LSM1: variants seen among roughly 807,000 people sequenced by gnomAD.
The protein encoded by LSM1 is U6 snRNA-associated Sm-like protein LSm1.
A neutral mutation model predicts 18.0 loss-of-function variants in LSM1; 13 were observed. The ratio of observed to expected loss-of-function variants is 0.72; its 90% confidence interval spans 0.47 to 1.15. The LOEUF (loss-of-function observed/expected upper bound fraction) is 1.15. LSM1 is among the 50% of genes most tolerant of loss of function. LSM1 has a pLI of 0.00. For synonymous variants in LSM1, 46 were observed against 56.0 expected (o/e 0.82, Z 0.80); for missense variants, 152 against 157.7 (o/e 0.96, Z 0.19).
chr8:38,175,613 A>T (rs1803120046), intron 1 of LSM1, among the ~76,000 whole-genome samples: 1 of 152,110 alleles, frequency 6.6e-6, no homozygotes, highest in Admixed American at 6.6e-5. Context: ...CCTCTTCCGG[A>T]CAAAAACCAG....
At chr8:38,165,187 T>C (rs1234340744) in intron 3 of LSM1, among the ~76,000 whole-genome samples, 1 of 151,880 alleles carries the variant, frequency 6.6e-6, no homozygotes, top group South Asian at 2.1e-4. Flanking sequence ...CCGTCTCTAC[T>C]AAAAATACAA....
chr8:38,164,619 C>G (rs895904251), intron 3 of LSM1, among the ~76,000 whole-genome samples: 11 of 150,462 alleles, frequency 7.3e-5, no homozygotes, highest in Non-Finnish European at 1.2e-4. Context: ...CCTAGGAGTT[C>G]GAGACCAGCC....
chr8:38,172,006 C>T lies in LSM1; in HGVS notation c.74G>A (p.Gly25Glu), dbSNP rs1563275514. 3.1e-6 allele frequency: 5 copies of T among 1,611,850 alleles called. No homozygotes were observed. The highest frequency in any genetic ancestry group is 1.7e-5 in the Admixed American group (1 of 59,200). ...DKKHLVLLRD[G>E]RTLIGFLRSI... Reference sequence around the variant, plus strand: ...TCTTAAAAAGCCTATAAGTGTCCTTCCATCTCGAAGCAGAACCAAGTGCTT... The same window carrying T: ...TCTTAAAAAGCCTATAAGTGTCCTTTCATCTCGAAGCAGAACCAAGTGCTT... The change falls in exon 2 of 4, where the codon GGA (glycine) becomes GAA (glutamate). Residue 25 changes from glycine (G) to glutamate (E), a missense_variant. Transcript: ENST00000311351.
chr8:38,167,527 A>G (rs1476817189), intron 3 of LSM1, among the ~76,000 whole-genome samples: 5 of 151,938 alleles, frequency 3.3e-5, no homozygotes, highest in African/African-American at 1.2e-4. Flanking sequence ...ATTTTTTTGT[A>G]AAGACAGGGT....
intron 3 of LSM1, 44 bp downstream of exon 3, chr8:38,169,758 G>T: frequency 8.9e-7 from 1 of 1,122,720 alleles, no homozygotes. Flanking sequence ...AGTCTAACTA[G>T]CATGAATATG....
intron 1 of LSM1, 26 bp from the exon 2 acceptor site, chr8:38,172,059 A>C (rs772398907): frequency 6.5e-7 from 1 of 1,533,010 alleles, no homozygotes; most frequent in Non-Finnish European, 9.0e-7. Context: ...AAAATCTTTT[A>C]AATGAAAACT....
intron 1 of LSM1, 184 bp downstream of exon 1, chr8:38,176,091 G>A: frequency 3.9e-6 from 2 of 508,886 alleles, no homozygotes; most frequent in South Asian, 5.6e-5. Context: ...AGTAGCAGCA[G>A]GCTACTGGGT....
chr8:38,171,482 C>T (rs1016974506), intron 2 of LSM1, among the ~76,000 whole-genome samples: 4 of 152,196 alleles, frequency 2.6e-5, no homozygotes, highest in Non-Finnish European at 5.9e-5. Context: ...GCCTGGCCAA[C>T]ATGGCGAAAC....
At chr8:38,166,552 T>A (rs192806409) in intron 3 of LSM1, among the ~76,000 whole-genome samples, 1 of 152,358 alleles carries the variant, frequency 6.6e-6, no homozygotes, top group East Asian at 1.9e-4. Context: ...ATACAAAGTA[T>A]TCCTGTTTCT....
chr8:38,166,524 T>C (rs1802933745), intron 3 of LSM1, among the ~76,000 whole-genome samples: 1 of 152,254 alleles, frequency 6.6e-6, no homozygotes, highest in African/African-American at 2.4e-5. Context: ...TTTGGTGTTT[T>C]TGTAAGATGG....
In LSM1 at chr8:38,163,522, T is replaced by C. The variant is rs1452160604; in HGVS notation, c.*148A>G. 4 of 658,594 alleles carry C rather than the reference T, an allele frequency of 6.1e-6. No homozygotes were observed. The highest frequency in any genetic ancestry group is 5.5e-5 in the East Asian group (2 of 36,224). 40.8% of individuals were successfully genotyped at this position (658,594 alleles called of 1,614,324 possible). A position where few individuals can be genotyped will look rare whatever the true frequency, so the allele number is the denominator to read the frequency against. ...AAAAAAAACCCACCTACACGATTTC[T>C]TCATGTTGCATATGTAAAATAATTA... On this transcript the variant is annotated 3_prime_UTR_variant, in exon 4 of 4. Transcript: ENST00000311351.
At chr8:38,173,752 G>A (rs1297461347) in intron 1 of LSM1, among the ~76,000 whole-genome samples, 1 of 152,196 alleles carries the variant, frequency 6.6e-6, no homozygotes, top group African/African-American at 2.4e-5. Flanking sequence ...AGAAACACAC[G>A]CAGATAGTTG....
chr8:38,175,025 CAAAAAAAAA>C (rs1203614273), intron 1 of LSM1, among the ~76,000 whole-genome samples: 6 of 57,098 alleles, frequency 1.1e-4, no homozygotes, highest in Non-Finnish European at 1.6e-4. Context: ...GACTCTGTCT[CAAAAAAAAA>C]AAAAAAAAAA....
chr8:38,173,407 G>C (rs1042313096), intron 1 of LSM1, among the ~76,000 whole-genome samples: 1 of 151,852 alleles, frequency 6.6e-6, no homozygotes, highest in African/African-American at 2.4e-5. Flanking sequence ...GTAAATTAAA[G>C]AGGAGGAAAA....
intron 2 of LSM1, among the ~76,000 whole-genome samples, chr8:38,170,782 C>T (rs1301575721): frequency 6.6e-6 from 1 of 152,182 alleles, no homozygotes; most frequent in Non-Finnish European, 1.5e-5. Flanking sequence ...AGCCACTACC[C>T]TTCCCTCAAA....
chr8:38,163,753 G>A lies in LSM1; in HGVS notation c.319C>T (p.Leu107=), dbSNP rs1802880052. The part of the protein sequence containing the change: ...EEQRVEQQTK[L]EAEKLKVQAL... Reference sequence around the variant, plus strand: ...TGCACTTTCAACTTCTCTGCTTCCAGCTTGGTCTGCTGTTCCACCCTTTGT... The same window carrying A: ...TGCACTTTCAACTTCTCTGCTTCCAACTTGGTCTGCTGTTCCACCCTTTGT... Residue 107 remains leucine (L), a synonymous_variant, in exon 4 of 4, where the codon CTG becomes TTG. Transcript: ENST00000311351. The A allele has an allele frequency of 1.2e-6, 2 of 1,614,044 alleles. No individual in the cohort carries two copies. The highest frequency in any genetic ancestry group is 1.3e-5 in the African/African-American group (1 of 74,912).
rs539421938 is a variant in LSM1, at chr8:38,163,852, A to T, written c.232-12T>A. The T allele has an allele frequency of 3.6e-5, 58 of 1,613,670 alleles. 1 individual carries two copies. In the East Asian group the frequency reaches 9.1e-4, roughly 25 times the overall value. On this transcript the variant is annotated splice_polypyrimidine_tract_variant and intron_variant, in intron 3 of 3. Coordinates refer to ENST00000311351, the MANE Select transcript of LSM1 (RefSeq NM_014462.3). ...TCCTTTTCCAAGTCCTACAAAAGAGACAGGTTTGAAAACTTCACCTGAAGA... is the reference window on the plus strand; with the variant it reads ...TCCTTTTCCAAGTCCTACAAAAGAGTCAGGTTTGAAAACTTCACCTGAAGA...
intron 3 of LSM1, 132 bp downstream of exon 3, chr8:38,169,665 CTAAAT>C: frequency 1.8e-6 from 1 of 555,862 alleles, no homozygotes; most frequent in Non-Finnish European, 3.2e-6. Flanking sequence ...TGTAGCTTCC[CTAAAT>C]TAATTTGGTA....
intron 1 of LSM1, 91 bp downstream of exon 1, chr8:38,176,184 G>T: frequency 3.7e-6 from 4 of 1,095,378 alleles, no homozygotes; most frequent in Non-Finnish European, 5.5e-6. Context: ...GCCCCGCCCG[G>T]GACTCATTCT....
Sources: gnomAD v4.1 joint callset for allele counts (sites outside exome capture counted in the v4.1 genomes callset) on GRCh38, gnomAD v4.1.1 for gene constraint, MANE v1.5 for transcripts, NCBI Gene and HGNC (gene_info 2026-07-23, HGNC 2026-07-21) for gene names.